The following CST3 variants were observed in gnomAD, a reference collection of about 807,000 sequenced individuals.
CST3 encodes cystatin C.
A neutral mutation model predicts 9.0 loss-of-function variants in CST3; 14 were observed. That is an observed-to-expected ratio of 1.56 (90% CI 1.03 to 2.44). The LOEUF is 2.44. Among genes scored for constraint, CST3 ranks in the 30% most tolerant of loss-of-function variants. CST3 has a pLI of 0.00. For synonymous variants in CST3, 96 were observed against 90.2 expected (o/e 1.06, Z -0.37); for missense variants, 237 against 204.3 (o/e 1.16, Z -0.98).
chr20:23,633,508 C>A (rs1375152612), downstream of CST3: 1 of 346,060 alleles, frequency 2.9e-6, no homozygotes, highest in Non-Finnish European at 5.6e-6. Flanking sequence ...ACTCCTATAG[C>A]AGCAGCTTGC....
In CST3 at chr20:23,635,342, A is replaced by G; in HGVS notation, c.269T>C (p.Leu90Ser). The G allele has an allele frequency of 6.3e-7, 1 of 1,577,788 alleles. No homozygotes were observed. The highest frequency in any genetic ancestry group is 8.6e-7 in the Non-Finnish European group (1 of 1,163,624). ...KQIVAGVNYF[L>S]DVELGRTTCT... ...CGTGGTTCGGCCCAGCTCCACGTCC[A>G]AGAAGTAGTTCACCCCAGCTACGAT... The change falls in exon 2 of 3, where the codon TTG becomes TCG. Residue 90 changes from leucine to serine, a missense_variant. By Grantham distance (145) the Leu-to-Ser change is moderately radical (BLOSUM62 -2). Coordinates refer to ENST00000376925, the MANE Select transcript of CST3 (RefSeq NM_000099.4).
downstream of CST3, among the ~76,000 whole-genome samples, chr20:23,629,746 G>A (rs2122457974): frequency 6.6e-6 from 1 of 151,866 alleles, no homozygotes; most frequent in South Asian, 2.1e-4. Context: ...GGGGGGGGAG[G>A]GGGTGGAATG....
chr20:23,629,737 G>C (rs537094789), downstream of CST3, among the ~76,000 whole-genome samples: 5 of 95,484 alleles, frequency 5.2e-5, no homozygotes, highest in African/African-American at 1.6e-4. Context: ...TGACTGGTGG[G>C]GGGGGGAGGG....
At position 23,636,241 on chromosome 20, in the gene CST3, C is replaced by T. The variant is rs538902856; in HGVS notation, c.244-874G>A. ...CCAGCTGACGGCTGCGGGAGAAACG[C>T]GGCTGGTCTGGACTCCTCTGAATTT... is the stretch of plus-strand genomic sequence containing the variant. On this transcript the variant is annotated intron_variant, in intron 1 of 2. Coordinates refer to ENST00000376925, the MANE Select transcript of CST3 (RefSeq NM_000099.4). Among the ~76,000 whole-genome samples, 94 of 152,296 alleles carry T rather than the reference C, an allele frequency of 6.2e-4. 1 individual carries two copies. The highest frequency in any genetic ancestry group is 2.2e-3 in the African/African-American group (90 of 41,562).
Position 23,637,771 on chromosome 20 carries a change from T to C in CST3, c.92A>G (p.Lys31Arg). 1.3e-6 allele frequency: 2 copies of C among 1,529,328 alleles called. No homozygotes were observed. The highest frequency in any genetic ancestry group is 1.8e-6 in the Non-Finnish European group (2 of 1,139,348). 94.7% of individuals were successfully genotyped at this position (1,529,328 alleles called of 1,614,324 possible). A position where few individuals can be genotyped will look rare whatever the true frequency, so the allele number is the denominator to read the frequency against. ...GGGGCCTCCCACTAGGCGCGGCGGC[T>C]TGCCGGGACTGGAGCCGGCCGCGGG... ...VSPAAGSSPG[K>R]PPRLVGGPMD... The change falls in exon 1 of 3, where the codon AAG (lysine) becomes AGG (arginine). Residue 31 changes from lysine (K) to arginine (R), a missense_variant. Coordinates refer to ENST00000376925, the MANE Select transcript of CST3 (RefSeq NM_000099.4).
At chr20:23,629,838 A>C (rs1979385203), downstream of CST3, among the ~76,000 whole-genome samples, 1 of 152,140 alleles carries the variant, frequency 6.6e-6, no homozygotes, top group Admixed American at 6.5e-5. Context: ...GGTTTGAGGA[A>C]GTGGGGGTTA....
rs770237341 is a variant in CST3, at chr20:23,633,912, AC to A, written c.*3del. 2.5e-5 allele frequency: 40 copies of A among 1,613,256 alleles called. No individual in the cohort carries two copies. The highest frequency in any genetic ancestry group is 2.5e-5 in the Non-Finnish European group (30 of 1,179,468). On this transcript the variant is annotated 3_prime_UTR_variant, in exon 3 of 3. Transcript: ENST00000376925. ...ATAGGCACAGGCCAGCCCGGTACAG[AC>A]CCCTAGGCGTCCTGACAGGTGGATT...
chr20:23,632,729 C>G (rs1048201551), downstream of CST3, among the ~76,000 whole-genome samples: 20 of 152,174 alleles, frequency 1.3e-4, no homozygotes, highest in African/African-American at 4.8e-4. Flanking sequence ...GGGAGGCCTG[C>G]CCCAGCAGCA....
chr20:23,634,553 G>A (rs1264227666), intron 2 of CST3, among the ~76,000 whole-genome samples: 3 of 152,050 alleles, frequency 2.0e-5, no homozygotes, highest in African/African-American at 7.3e-5. Context: ...CTGCTAACAG[G>A]CCTCTACTAC....
rs200979591 is a variant in CST3 at position 23,633,904 on chromosome 20, C to T, written c.*12G>A. 4.2e-4 allele frequency: 680 copies of T among 1,612,214 alleles called. 9 individuals are homozygous for T. Among genetic ancestry groups the T allele is most frequent in the Non-Finnish European group, 2.8e-5 (33 of 1,178,338 alleles). ...AAGAGGTGATAGGCACAGGCCAGCCCGGTACAGACCCCTAGGCGTCCTGAC... is the reference window on the plus strand; with the variant it reads ...AAGAGGTGATAGGCACAGGCCAGCCTGGTACAGACCCCTAGGCGTCCTGAC... On this transcript the variant is annotated 3_prime_UTR_variant, in exon 3 of 3. Transcript: ENST00000376925.
At chr20:23,634,699 T>C (rs1245444668) in intron 2 of CST3, among the ~76,000 whole-genome samples, 2 of 151,984 alleles carry the variant, frequency 1.3e-5, no homozygotes, top group African/African-American at 2.4e-5. Context: ...CCAAAGCACA[T>C]AGGGTGGAGC....
chr20:23,632,482 GTGCTA>G (rs1352332537), downstream of CST3, among the ~76,000 whole-genome samples: 1 of 152,134 alleles, frequency 6.6e-6, no homozygotes, highest in Non-Finnish European at 1.5e-5. Flanking sequence ...ATCCTAGGGG[GTGCTA>G]CACTTCCCTC....
At chr20:23,634,098 G>T in intron 2 of CST3, 99 bp from the exon 3 acceptor site, 1 of 980,750 alleles carries the variant, frequency 1.0e-6, no homozygotes, top group African/African-American at 1.6e-5. Flanking sequence ...GAAGGATGGA[G>T]GTGAAACACT....
downstream of CST3, among the ~76,000 whole-genome samples, chr20:23,629,707 C>G (rs1979379090): frequency 7.0e-6 from 1 of 143,334 alleles, no homozygotes; most frequent in Non-Finnish European, 1.5e-5. Flanking sequence ...GAAGAGCAGG[C>G]AGGGGAACAA....
downstream of CST3, among the ~76,000 whole-genome samples, chr20:23,633,450 T>C (rs2424578): frequency 0.96 from 146,496 of 152,302 alleles, 70,737 homozygotes; most frequent in South Asian, 1. Flanking sequence ...TGTGGCTCAA[T>C]GCCTTGTTTC....
downstream of CST3, chr20:23,633,552 G>A (rs1979529860): frequency 4.7e-6 from 2 of 426,650 alleles, no homozygotes; most frequent in African/African-American, 2.0e-5. Context: ...TCAGCTCCCA[G>A]GTACTCCTCT....
At chr20:23,627,459 T>G (rs886806087) in exon 4 of CST3, 2 of 152,052 alleles carry the variant, frequency 1.3e-5, no homozygotes, top group Non-Finnish European at 1.5e-5. Flanking sequence ...ACATTTGAGG[T>G]TTTTTTTAAT....
chr20:23,637,822 A>T lies in CST3; in HGVS notation c.41T>A (p.Ile14Asn), dbSNP rs1979759448. ...PLRAPLLLLAILAVALAVSPA... is the reference protein window; with the variant it reads ...PLRAPLLLLANLAVALAVSPA... The stretch of plus-strand genomic sequence containing the variant: ...GCTCACGGCCAGGGCCACGGCCAGG[A>T]TGGCCAGCAGGAGCAGCGGGGCGCG... Residue 14 changes from isoleucine to asparagine, a missense_variant, in exon 1 of 3, where the codon ATC becomes AAC. Ile to Asn is a moderately radical substitution (Grantham distance 149). Coordinates refer to ENST00000376925, the MANE Select transcript of CST3 (RefSeq NM_000099.4). 7.0e-7 allele frequency: 1 copy of T among 1,428,248 alleles called. No homozygotes were observed. The highest frequency in any genetic ancestry group is 1.3e-5 in the South Asian group (1 of 76,666). 88.5% of individuals were successfully genotyped at this position (1,428,248 alleles called of 1,614,324 possible).
rs879219458 is a variant in CST3 at position 23,634,059 on chromosome 20, C to A, written c.358-60G>T. On this transcript the variant is annotated intron_variant, in intron 2 of 2. Transcript: ENST00000376925. The stretch of plus-strand genomic sequence containing the variant: ...GTTACAGTTCAAAGCAGAAGATGCC[C>A]AGGCACGGGACATCAGAGTGGGAGT... The A allele has an allele frequency of 1.0e-5, 14 of 1,380,270 alleles. 1 individual carries two copies. The South Asian group carries it at 1.6e-4, about 16-fold the overall frequency. 85.5% of individuals were successfully genotyped at this position (1,380,270 alleles called of 1,614,324 possible). A position where few individuals can be genotyped will look rare whatever the true frequency, so the allele number is the denominator to read the frequency against.
Sources: allele counts gnomAD v4.1 joint callset (sites outside exome capture counted in the v4.1 genomes callset), GRCh38; gene constraint gnomAD v4.1.1; transcripts MANE v1.5; gene names NCBI Gene and HGNC (gene_info 2026-07-23, HGNC 2026-07-21).